CAMK4: variants seen among roughly 807,000 people sequenced by gnomAD.
CAMK4 encodes the protein calcium/calmodulin dependent protein kinase IV.
In CAMK4, 22 loss-of-function variants were observed where a neutral mutation model predicts 44.9. The ratio of observed to expected loss-of-function variants is 0.49; its 90% CI spans 0.35 to 0.70. The LOEUF (loss-of-function observed/expected upper bound fraction) is 0.70, where lower values mean the gene tolerates loss of function less well. CAMK4 is among the 30% of genes least tolerant of loss of function. CAMK4 has a pLI of 0.01. For missense variants in CAMK4, 498 were observed against 586.8 expected (o/e 0.85, Z 1.56); for synonymous variants, 218 against 215.4 (o/e 1.01, Z -0.11).
intron 2 of CAMK4, among the ~76,000 whole-genome samples, chr5:111,349,807 A>C (rs1750017675): frequency 6.6e-6 from 1 of 152,040 alleles, no homozygotes; most frequent in East Asian, 1.9e-4. Context: ...ATGCTCCACC[A>C]ATAATTTATA....
intron 1 of CAMK4, among the ~76,000 whole-genome samples, chr5:111,226,302 A>T (rs79427995): frequency 6.6e-6 from 1 of 152,204 alleles, no homozygotes; most frequent in Admixed American, 6.5e-5. Flanking sequence ...GTATACCCCT[A>T]TGAGATGGTA....
intron 1 of CAMK4, among the ~76,000 whole-genome samples, chr5:111,310,961 A>G (rs774939472): frequency 6.6e-6 from 1 of 152,148 alleles, no homozygotes; most frequent in Non-Finnish European, 1.5e-5. Flanking sequence ...TCTCACACAT[A>G]TCCGTTCTAA....
At chr5:111,408,977 AG>A (rs1489212241) in intron 5 of CAMK4, among the ~76,000 whole-genome samples, 3 of 152,124 alleles carry the variant, frequency 2.0e-5, no homozygotes, top group African/African-American at 7.2e-5. Context: ...GTGGCTTTTC[AG>A]GGTACAGCTT....
Position 111,224,413 on chromosome 5 carries a change from G to A in CAMK4, c.-71G>A. ...CTCGCTCCTGCGTTCGCAGGCGGCG[G>A]CTGGCGGCCGGCTTCTCGCTCGGGC... On this transcript the variant is annotated 5_prime_UTR_variant, in exon 1 of 11. Coordinates refer to ENST00000282356, the MANE Select transcript of CAMK4 (RefSeq NM_001744.6). This position sits in a 1 kb window ranked among gnomAD's most constrained non-coding sequence, Gnocchi z 5.7. The A allele has an allele frequency of 6.7e-7, 1 of 1,490,086 alleles. No homozygotes were observed. Among genetic ancestry groups the A allele is most frequent in the African/African-American group, 1.5e-5 (1 of 68,398 alleles). 92.3% of individuals were successfully genotyped at this position (1,490,086 alleles called of 1,614,324 possible). A position where few individuals can be genotyped will look rare whatever the true frequency, so the allele number is the denominator to read the frequency against.
intron 1 of CAMK4, among the ~76,000 whole-genome samples, chr5:111,273,718 TAC>T (rs143530732): frequency 0.17 from 7,293 of 44,062 alleles, 1,264 homozygotes; most frequent in South Asian, 0.2. Context: ...TATATATATA[TAC>T]ACACACATAC....
chr5:111,383,572 C>A (rs1444911645), intron 4 of CAMK4, among the ~76,000 whole-genome samples: 1 of 151,824 alleles, frequency 6.6e-6, no homozygotes, highest in African/African-American at 2.4e-5. Flanking sequence ...TACAGTGGGG[C>A]CAGATAGATG....
At chr5:111,446,882 T>G in intron 6 of CAMK4, 106 bp downstream of exon 6, 2 of 748,394 alleles carry the variant, frequency 2.7e-6, no homozygotes, top group Non-Finnish European at 4.9e-6. Flanking sequence ...ATCCATTCAG[T>G]TTTCCTGAAT....
intron 5 of CAMK4, among the ~76,000 whole-genome samples, chr5:111,418,150 C>G (rs1752880222): frequency 6.6e-6 from 1 of 152,054 alleles, no homozygotes; most frequent in African/African-American, 2.4e-5. Context: ...GGACAGAGTA[C>G]AAAAGAGAGA....
At position 111,491,611 on chromosome 5, in the gene CAMK4, A is replaced by T. The variant is rs1374799979; in HGVS notation, c.*7145A>T. The T allele has an allele frequency of 6.6e-6, 1 of 152,192 alleles. No homozygotes were observed. Among genetic ancestry groups the T allele is most frequent in the Admixed American group, 6.6e-5 (1 of 15,262 alleles). The allele number at this position is 152,192 out of a possible 1,614,324, so 9.4% of individuals were successfully genotyped here. A position where few individuals can be genotyped will look rare whatever the true frequency, so the allele number is the denominator to read the frequency against. On this transcript the variant is annotated 3_prime_UTR_variant, in exon 11 of 11. Transcript: ENST00000282356. ...CAAAATTGCATCACTCCTGAAGAAAAGAAATTTAGAGTATGAATTGAGTTG... is the reference window on the plus strand; with the variant it reads ...CAAAATTGCATCACTCCTGAAGAAATGAAATTTAGAGTATGAATTGAGTTG...
At chr5:111,453,586 C>T (rs867637753) in intron 7 of CAMK4, among the ~76,000 whole-genome samples, 84 of 152,074 alleles carry the variant, frequency 5.5e-4, no homozygotes, top group Middle Eastern at 3.4e-3. Flanking sequence ...AAAGAATTTA[C>T]GCAGAGACTG....
chr5:111,243,410 C>A (rs1421589390), intron 1 of CAMK4, among the ~76,000 whole-genome samples: 1 of 152,150 alleles, frequency 6.6e-6, no homozygotes, highest in African/African-American at 2.4e-5. Flanking sequence ...GCCAGATTGA[C>A]TTAGCAAGGT....
intron 4 of CAMK4, among the ~76,000 whole-genome samples, chr5:111,394,287 A>G (rs1751915939): frequency 1.3e-5 from 2 of 152,196 alleles, no homozygotes; most frequent in South Asian, 2.1e-4. Flanking sequence ...ATGAAATTAT[A>G]TAATGTCTGA....
At chr5:111,412,418 G>C (rs1046675137) in intron 5 of CAMK4, among the ~76,000 whole-genome samples, 2 of 152,120 alleles carry the variant, frequency 1.3e-5, no homozygotes, top group African/African-American at 4.8e-5. Flanking sequence ...TGTTGTTTTT[G>C]AACATTTCAA....
intron 1 of CAMK4, among the ~76,000 whole-genome samples, chr5:111,259,078 C>G (rs1378956245): frequency 2.0e-5 from 3 of 152,132 alleles, no homozygotes; most frequent in Non-Finnish European, 4.4e-5. Context: ...CAATTCTACT[C>G]TCACCCTTCT....
At chr5:111,392,833 CA>C (rs1751851983) in intron 4 of CAMK4, among the ~76,000 whole-genome samples, 1 of 152,032 alleles carries the variant, frequency 6.6e-6, no homozygotes, top group African/African-American at 2.4e-5. Flanking sequence ...AGCAAATGTA[CA>C]AAATAAGTCT....
intron 4 of CAMK4, 23 bp downstream of exon 4, chr5:111,376,965 A>T: frequency 1.3e-6 from 2 of 1,506,328 alleles, no homozygotes; most frequent in Non-Finnish European, 1.8e-6. Flanking sequence ...TGGAAATATA[A>T]CCACAGAAAG....
intron 5 of CAMK4, among the ~76,000 whole-genome samples, chr5:111,439,487 C>G (rs1176956080): frequency 6.6e-6 from 1 of 152,090 alleles, no homozygotes; most frequent in African/African-American, 2.4e-5. Flanking sequence ...AGGATAAATT[C>G]AGGTTTCTGG....
At chr5:111,233,274 T>C (rs923066502) in intron 1 of CAMK4, among the ~76,000 whole-genome samples, 1 of 152,182 alleles carries the variant, frequency 6.6e-6, no homozygotes, top group Non-Finnish European at 1.5e-5. Flanking sequence ...ACTTTGAAAA[T>C]GTCAACTTTT....
intron 5 of CAMK4, among the ~76,000 whole-genome samples, chr5:111,427,837 G>T (rs1753285173): frequency 6.6e-6 from 1 of 152,242 alleles, no homozygotes; most frequent in Non-Finnish European, 1.5e-5. Flanking sequence ...AAGGTTACAA[G>T]CCTGGATGGC....
Sources: gnomAD v4.1 joint callset for allele counts (sites outside exome capture counted in the v4.1 genomes callset) on GRCh38, gnomAD v4.1.1 for gene constraint, Gnocchi (gnomAD v3.1) non-coding constraint, MANE v1.5 for transcripts, NCBI Gene and HGNC (gene_info 2026-07-23, HGNC 2026-07-21) for gene names.